Variants in MARCHF11 observed in about 807,000 individuals in gnomAD.
The protein encoded by MARCHF11 is E3 ubiquitin-protein ligase MARCHF11.
In MARCHF11, 29 loss-of-function variants were observed where a neutral mutation model predicts 37.3. The ratio of observed to expected loss-of-function variants is 0.78; its 90% CI spans 0.58 to 1.06. The LOEUF (loss-of-function observed/expected upper bound fraction) is 1.06, where lower values mean the gene tolerates loss of function less well. Among genes scored for constraint, MARCHF11 ranks in the 50% least tolerant of loss-of-function variants. The pLI is 0.00. For synonymous variants in MARCHF11, 233 were observed against 228.0 expected (o/e 1.02, Z -0.20); for missense variants, 482 against 533.4 (o/e 0.90, Z 0.95).
intron 2 of MARCHF11, among the ~76,000 whole-genome samples, chr5:16,125,981 C>A (rs1394677066): frequency 1.3e-5 from 2 of 152,184 alleles, no homozygotes; most frequent in African/African-American, 4.8e-5. Context: ...GTGAACATAA[C>A]TTCTTGCTTG....
chr5:16,179,679 G>A lies in MARCHF11; in HGVS notation c.-104C>T, dbSNP rs1413826803. 2.9e-5 allele frequency: 22 copies of A among 749,386 alleles called. No individual in the cohort carries two copies. The highest frequency in any genetic ancestry group is 5.6e-5 in the Admixed American group (1 of 17,782). 46.4% of individuals were successfully genotyped at this position (749,386 alleles called of 1,614,324 possible). A position where few individuals can be genotyped will look rare whatever the true frequency, so the allele number is the denominator to read the frequency against. ...GCGGGAGGGAGAGGGGAAAAGGAGG[G>A]AGGGGGCCCGGACGCCTGGGGCTAG... On this transcript the variant is annotated 5_prime_UTR_variant, in exon 1 of 4. Coordinates refer to ENST00000332432, the MANE Select transcript of MARCHF11 (RefSeq NM_001102562.3).
intron 2 of MARCHF11, among the ~76,000 whole-genome samples, chr5:16,119,462 T>C (rs1737277023): frequency 6.6e-6 from 1 of 152,022 alleles, no homozygotes; most frequent in Non-Finnish European, 1.5e-5. Context: ...TAGAAGGATG[T>C]ACCCTGAGGA....
At chr5:16,171,156 C>T (rs1738256321) in intron 2 of MARCHF11, among the ~76,000 whole-genome samples, 1 of 151,788 alleles carries the variant, frequency 6.6e-6, no homozygotes, top group Non-Finnish European at 1.5e-5. Flanking sequence ...GCACATTGTG[C>T]AGGTTAGTTA....
intron 2 of MARCHF11, among the ~76,000 whole-genome samples, chr5:16,123,042 T>C (rs995848309): frequency 1.3e-5 from 2 of 152,174 alleles, no homozygotes; most frequent in Admixed American, 1.3e-4. Flanking sequence ...ACTGAAAAAC[T>C]ACTTATTCTT....
At chr5:16,124,500 G>A (rs1437034930) in intron 2 of MARCHF11, among the ~76,000 whole-genome samples, 1 of 152,134 alleles carries the variant, frequency 6.6e-6, no homozygotes, top group Non-Finnish European at 1.5e-5. Flanking sequence ...TAAGACACGG[G>A]AATCCAGGCA....
At chr5:16,159,927 T>C (rs1199805046) in intron 2 of MARCHF11, among the ~76,000 whole-genome samples, 1 of 152,002 alleles carries the variant, frequency 6.6e-6, no homozygotes, top group Non-Finnish European at 1.5e-5. Flanking sequence ...TTTTCAAATA[T>C]AGTTCATAAG....
At chr5:16,134,634 TTC>T (rs1737577192) in intron 2 of MARCHF11, among the ~76,000 whole-genome samples, 1 of 152,204 alleles carries the variant, frequency 6.6e-6, no homozygotes, top group Non-Finnish European at 1.5e-5. Context: ...AATTATCATG[TTC>T]TTTCACCTAT....
intron 2 of MARCHF11, among the ~76,000 whole-genome samples, chr5:16,119,087 G>T (rs1737268726): frequency 6.6e-6 from 1 of 152,138 alleles, no homozygotes; most frequent in South Asian, 2.1e-4. Context: ...GAGTGACAGG[G>T]CGCAGTGGCT....
Position 16,179,318 on chromosome 5 carries a change from G to C in MARCHF11, c.258C>G (p.Pro86=), listed in dbSNP as rs2126615017. ...CRGADELPPP[P]LPLQPAGQEV... is the part of the protein sequence containing the mutation. Reference sequence around the variant, plus strand: ...CCTGGCCGGCGGGCTGCAGGGGCAGGGGCGGAGGCGGCAGCTCGTCCGCTC... The same window carrying C: ...CCTGGCCGGCGGGCTGCAGGGGCAGCGGCGGAGGCGGCAGCTCGTCCGCTC... The change falls in exon 1 of 4, where the codon CCC becomes CCG. Residue 86 remains proline, a synonymous_variant. Transcript: ENST00000332432. 2.4e-6 allele frequency: 3 copies of C among 1,239,156 alleles called. No individual in the cohort carries two copies. Among genetic ancestry groups the C allele is most frequent in the Non-Finnish European group, 3.0e-6 (3 of 991,650 alleles). The allele number at this position is 1,239,156 out of a possible 1,614,324, so 76.8% of individuals were successfully genotyped here.
At chr5:16,164,735 G>A (rs930616654) in intron 2 of MARCHF11, among the ~76,000 whole-genome samples, 2 of 151,966 alleles carry the variant, frequency 1.3e-5, no homozygotes, top group Non-Finnish European at 2.9e-5. Context: ...ATTGTAAAAC[G>A]AAATTAAAAA....
At chr5:16,100,616 A>T (rs766128002) in intron 2 of MARCHF11, among the ~76,000 whole-genome samples, 1 of 152,148 alleles carries the variant, frequency 6.6e-6, no homozygotes, top group Non-Finnish European at 1.5e-5. Context: ...CTTACAGGGA[A>T]GTGTCTACCC....
At chr5:16,075,330 C>T (rs2126545583) in intron 3 of MARCHF11, among the ~76,000 whole-genome samples, 1 of 152,306 alleles carries the variant, frequency 6.6e-6, no homozygotes, top group South Asian at 2.1e-4. Flanking sequence ...AATTATGCTT[C>T]AAGATCCAGA....
In MARCHF11 at chr5:16,067,664, G is replaced by A. The variant is rs1051574992; in HGVS notation, c.1016C>T (p.Ser339Phe). 9 of 1,613,816 alleles carry A rather than the reference G, an allele frequency of 5.6e-6. No homozygotes were observed. The highest frequency in any genetic ancestry group is 7.6e-6 in the Non-Finnish European group (9 of 1,179,876). Residue 339 changes from serine to phenylalanine, a missense_variant, in exon 4 of 4, where the codon TCC (serine) becomes TTC (phenylalanine). By Grantham distance (155) the Ser-to-Phe change is radical (BLOSUM62 -2). Coordinates refer to ENST00000332432, the MANE Select transcript of MARCHF11 (RefSeq NM_001102562.3). ...TGGCAACCACAAAGTCCTACTTGTGGAAGACTCTCCCCGGCTGCTTTCTTC... is the reference window on the plus strand; with the variant it reads ...TGGCAACCACAAAGTCCTACTTGTGAAAGACTCTCCCCGGCTGCTTTCTTC... ...DIEESSRGES[S>F]TSRTLWLPLT... is the part of the protein sequence containing the mutation.
At chr5:16,167,134 G>A (rs1446241573) in intron 2 of MARCHF11, among the ~76,000 whole-genome samples, 1 of 145,518 alleles carries the variant, frequency 6.9e-6, no homozygotes, top group Non-Finnish European at 1.5e-5. Context: ...ACCATTGTAA[G>A]TTGGGAACTG....
In MARCHF11 at chr5:16,083,690, G is replaced by A. The variant is rs76581626; in HGVS notation, c.886+7199C>T. Among the ~76,000 whole-genome samples, 1,197 of 152,286 alleles carry A rather than the reference G, an allele frequency of 7.9e-3. 20 individuals carry two copies. Among genetic ancestry groups the A allele is most frequent in the African/African-American group, 0.027 (1,124 of 41,554 alleles). On this transcript the variant is annotated intron_variant, in intron 3 of 3. Coordinates refer to ENST00000332432, the MANE Select transcript of MARCHF11 (RefSeq NM_001102562.3). ...TCATTGTCAACTCCTGAATCATGCT[G>A]AGAGATACCGGAGGGCATGAAAAAT... is the stretch of plus-strand genomic sequence containing the variant.
At chr5:16,166,040 T>C (rs180775778) in intron 2 of MARCHF11, among the ~76,000 whole-genome samples, 1 of 152,156 alleles carries the variant, frequency 6.6e-6, no homozygotes, top group Admixed American at 6.6e-5. Flanking sequence ...TTTATTTATA[T>C]TGGTGTTCAC....
intron 2 of MARCHF11, among the ~76,000 whole-genome samples, chr5:16,169,287 T>C (rs759305980): frequency 3.3e-5 from 5 of 151,724 alleles, no homozygotes; most frequent in Admixed American, 1.3e-4. Flanking sequence ...CGACACCCCA[T>C]GCCCAAATTA....
chr5:16,099,952 T>C (rs996456264), intron 2 of MARCHF11, among the ~76,000 whole-genome samples: 2 of 152,148 alleles, frequency 1.3e-5, no homozygotes, highest in Admixed American at 6.5e-5. Context: ...TTGTATGGAA[T>C]TTAGAATGTC....
At chr5:16,151,561 T>A (rs1737888438) in intron 2 of MARCHF11, among the ~76,000 whole-genome samples, 2 of 145,572 alleles carry the variant, frequency 1.4e-5, no homozygotes, top group Admixed American at 6.9e-5. Flanking sequence ...TTTTTTTGTC[T>A]CCTAGCAGAA....
Sources: gnomAD v4.1 joint callset for allele counts (sites outside exome capture counted in the v4.1 genomes callset) on GRCh38, gnomAD v4.1.1 for gene constraint, MANE v1.5 for transcripts, NCBI Gene and HGNC (gene_info 2026-07-23, HGNC 2026-07-21) for gene names.